The following RORA variants were observed in gnomAD, a reference collection of about 807,000 sequenced individuals.
RORA encodes the protein RAR related orphan receptor A, also known as nuclear receptor ROR-alpha.
In RORA, 7 loss-of-function variants were observed where a neutral mutation model predicts 69.5. That is an observed-to-expected ratio of 0.10 (90% CI 0.06 to 0.19). The LOEUF is 0.19. Among genes scored for constraint, RORA ranks in the 10% least tolerant of loss-of-function variants. The pLI is 1.00. For missense variants in RORA, 457 were observed against 663.0 expected (o/e 0.69, Z 3.41); for synonymous variants, 261 against 240.8 (o/e 1.08, Z -0.78).
chr15:60,849,539 T>A (rs538987696), intron 1 of RORA, among the ~76,000 whole-genome samples: 1 of 152,320 alleles, frequency 6.6e-6, no homozygotes, highest in South Asian at 2.1e-4. Context: ...GAGACAAGCA[T>A]GGGCACATCA....
intron 1 of RORA, among the ~76,000 whole-genome samples, chr15:60,783,365 T>C (rs1480701290): frequency 6.6e-6 from 1 of 152,224 alleles, no homozygotes; most frequent in Non-Finnish European, 1.5e-5. Flanking sequence ...AAAAATTAAT[T>C]AAATTTTATT....
chr15:60,732,823 G>A (rs116235820), intron 1 of RORA, among the ~76,000 whole-genome samples: 2,212 of 151,380 alleles, frequency 0.015, 60 homozygotes, highest in African/African-American at 0.052. Flanking sequence ...TTACAGCTAC[G>A]CACACACACG....
At chr15:60,853,640 C>T (rs1248824603) in intron 1 of RORA, among the ~76,000 whole-genome samples, 1 of 152,310 alleles carries the variant, frequency 6.6e-6, no homozygotes, top group South Asian at 2.1e-4. Flanking sequence ...GGCCTTGATA[C>T]AAGTGCAGGG....
At chr15:60,529,950 C>T (rs1395418548) in intron 3 of RORA, 1 of 152,190 alleles carries the variant, frequency 6.6e-6, no homozygotes, top group East Asian at 1.9e-4. Flanking sequence ...AATGAAGGGA[C>T]AAATGGTGAA....
intron 2 of RORA, among the ~76,000 whole-genome samples, chr15:60,572,168 T>G (rs1353837127): frequency 6.6e-6 from 1 of 152,204 alleles, no homozygotes; most frequent in Non-Finnish European, 1.5e-5. Flanking sequence ...CATAGCAAAG[T>G]TGAGTAGCTT....
At chr15:61,009,532 C>G (rs992446769) in intron 1 of RORA, among the ~76,000 whole-genome samples, 1 of 152,202 alleles carries the variant, frequency 6.6e-6, no homozygotes, top group Non-Finnish European at 1.5e-5. Context: ...CTATTTATAC[C>G]TATAAGGTCA....
At chr15:60,558,771 A>AG in intron 2 of RORA, among the ~76,000 whole-genome samples, 2 of 152,280 alleles carry the variant, frequency 1.3e-5, no homozygotes, top group Middle Eastern at 6.8e-3. Flanking sequence ...AGTCACCTGT[A>AG]TTTTGTGTTC....
Position 61,092,150 on chromosome 15 carries a change from C to T in RORA, c.166+136903G>A, listed in dbSNP as rs184951997. Among the ~76,000 whole-genome samples the T allele has an allele frequency of 9.3e-3, 1,420 of 152,264 alleles. 15 individuals are homozygous for T. Among genetic ancestry groups the T allele is most frequent in the Middle Eastern group, 0.024 (7 of 294 alleles). Reference sequence around the variant, plus strand: ...CTTAATAAATCATCAACAATAGTTTCCATGGTTACAATAAAATGTATAGTC... The same window carrying T: ...CTTAATAAATCATCAACAATAGTTTTCATGGTTACAATAAAATGTATAGTC... On this transcript the variant is annotated intron_variant, in intron 1 of 10. Coordinates refer to ENST00000335670, the MANE Select transcript of RORA (RefSeq NM_134261.3).
At chr15:60,837,135 G>T (rs563955830) in intron 1 of RORA, among the ~76,000 whole-genome samples, 1 of 150,996 alleles carries the variant, frequency 6.6e-6, no homozygotes, top group South Asian at 2.1e-4. Flanking sequence ...GCCTCCCAAA[G>T]TGCTGGGATT....
At chr15:60,597,597 C>CATATATATATATATATATACAT (rs2068717179) in intron 2 of RORA, among the ~76,000 whole-genome samples, 1 of 31,360 alleles carries the variant, frequency 3.2e-5, no homozygotes, top group African/African-American at 1.2e-4. Context: ...TATATATACA[C>CATATATATATATATATATACAT]ATATATATAT....
intron 10 of RORA, among the ~76,000 whole-genome samples, chr15:60,498,300 T>C (rs1490458885): frequency 6.6e-6 from 1 of 152,080 alleles, no homozygotes; most frequent in African/African-American, 2.4e-5. Context: ...AAAAGATGTC[T>C]AGTGATGGAG....
At chr15:60,590,153 C>A (rs1040864050) in intron 2 of RORA, among the ~76,000 whole-genome samples, 2 of 148,246 alleles carry the variant, frequency 1.3e-5, no homozygotes, top group African/African-American at 5.1e-5. Flanking sequence ...TGTTCAGATG[C>A]ATTCTCTCTC....
intron 1 of RORA, among the ~76,000 whole-genome samples, chr15:60,976,266 G>T (rs1353709757): frequency 6.6e-6 from 1 of 152,180 alleles, no homozygotes; most frequent in Non-Finnish European, 1.5e-5. Flanking sequence ...GACTCAATGC[G>T]TGTAACCCTT....
At chr15:60,907,619 G>A (rs1891582586) in intron 1 of RORA, among the ~76,000 whole-genome samples, 2 of 152,182 alleles carry the variant, frequency 1.3e-5, no homozygotes, top group South Asian at 4.1e-4. Context: ...CACCTGTAAT[G>A]TGCCTGTTAG....
intron 1 of RORA, among the ~76,000 whole-genome samples, chr15:60,979,730 A>ATG (rs35877636): frequency 0.79 from 118,121 of 149,690 alleles, 47,406 homozygotes; most frequent in East Asian, 0.89. Flanking sequence ...GTGTGTATGT[A>ATG]TGTGTGTGTG....
intron 1 of RORA, among the ~76,000 whole-genome samples, chr15:61,123,626 A>T (rs1164738360): frequency 6.6e-6 from 1 of 152,218 alleles, no homozygotes; most frequent in Non-Finnish European, 1.5e-5. Context: ...TGGGCTCCAC[A>T]GCCCTTTGGA....
At chr15:60,948,192 T>C (rs1892959202) in intron 1 of RORA, among the ~76,000 whole-genome samples, 1 of 151,214 alleles carries the variant, frequency 6.6e-6, no homozygotes, top group Admixed American at 6.6e-5. Context: ...AGAGGATGGA[T>C]GGGGACAAAA....
chr15:61,007,222 G>A (rs879517862), intron 1 of RORA, among the ~76,000 whole-genome samples: 1 of 152,188 alleles, frequency 6.6e-6, no homozygotes, highest in African/African-American at 2.4e-5. Context: ...ATCCAAGGTA[G>A]GTGGTTGGTT....
intron 2 of RORA, among the ~76,000 whole-genome samples, chr15:60,538,321 C>T (rs889439468): frequency 6.6e-6 from 1 of 152,170 alleles, no homozygotes; most frequent in African/African-American, 2.4e-5. Context: ...TTCACTTACA[C>T]CTCCACTTCC....
Sources: allele counts gnomAD v4.1 joint callset (sites outside exome capture counted in the v4.1 genomes callset), GRCh38; gene constraint gnomAD v4.1.1; transcripts MANE v1.5; gene names NCBI Gene and HGNC (gene_info 2026-07-23, HGNC 2026-07-21).